CDK14: variants seen among roughly 807,000 people sequenced by gnomAD.
The protein encoded by CDK14 is cyclin dependent kinase 14.
In CDK14, 34 loss-of-function variants were observed where a neutral mutation model predicts 60.7. That is an observed-to-expected ratio of 0.56 (90% CI 0.43 to 0.75). The LOEUF is 0.75. Among genes scored for constraint, CDK14 ranks in the 30% least tolerant of loss-of-function variants. The probability of loss-of-function intolerance (pLI) is 0.00; values close to 1 mark genes in which losing one functional copy is unlikely to be tolerated. For missense variants in CDK14, 482 were observed against 564.1 expected, an observed-to-expected ratio of 0.85 and a Z score of 1.47; for synonymous variants, 197 against 203.7, an observed-to-expected ratio of 0.97 and a Z score of 0.28.
chr7:90,869,428 A>G (rs1584066638), intron 6 of CDK14, among the ~76,000 whole-genome samples: 1 of 152,236 alleles, frequency 6.6e-6, no homozygotes, highest in Admixed American at 6.5e-5. Flanking sequence ...ATAGGAAGAG[A>G]CAAGGTTTGA....
At chr7:90,698,066 T>TGAAA (rs1563048725) in intron 2 of CDK14, among the ~76,000 whole-genome samples, 1 of 9,484 alleles carries the variant, frequency 1.1e-4, no homozygotes, top group Non-Finnish European at 2.0e-4. Context: ...AGACTCTGTC[T>TGAAA]CAAAAAAAAA....
intron 10 of CDK14, among the ~76,000 whole-genome samples, chr7:91,021,816 T>C (rs1189632053): frequency 1.3e-5 from 2 of 152,202 alleles, no homozygotes; most frequent in African/African-American, 4.8e-5. Flanking sequence ...CCTAAATTAA[T>C]TGAAGCCTGT....
chr7:90,877,352 A>T (rs184848711), intron 6 of CDK14, among the ~76,000 whole-genome samples: 1 of 152,312 alleles, frequency 6.6e-6, no homozygotes, highest in East Asian at 1.9e-4. Flanking sequence ...TCTCACTGGT[A>T]TATTCAAGCC....
intron 2 of CDK14, among the ~76,000 whole-genome samples, chr7:90,670,678 C>G (rs1462498738): frequency 2.0e-5 from 3 of 151,996 alleles, no homozygotes; most frequent in South Asian, 4.2e-4. Flanking sequence ...GTGTTGCACC[C>G]TTAAACAACC....
chr7:90,777,095 A>T (rs1805081959), intron 4 of CDK14, among the ~76,000 whole-genome samples: 1 of 152,162 alleles, frequency 6.6e-6, no homozygotes, highest in Admixed American at 6.5e-5. Context: ...GACTTGCAGA[A>T]CACTGTAGCT....
At chr7:91,028,998 G>T (rs548126243) in intron 10 of CDK14, among the ~76,000 whole-genome samples, 2 of 151,994 alleles carry the variant, frequency 1.3e-5, no homozygotes, top group East Asian at 3.9e-4. Context: ...TGTCACATTT[G>T]CTTTTAGGGT....
intron 14 of CDK14, among the ~76,000 whole-genome samples, chr7:91,135,824 A>G (rs937317549): frequency 6.6e-6 from 1 of 152,132 alleles, no homozygotes; most frequent in South Asian, 2.1e-4. Flanking sequence ...TTGTGTTGCA[A>G]ACTGAACCCA....
chr7:90,621,695 T>TTCCTGCCTTCCTGCCTTCCTG (rs1799773940), intron 2 of CDK14, among the ~76,000 whole-genome samples: 1 of 105,402 alleles, frequency 9.5e-6, no homozygotes, highest in Non-Finnish European at 2.0e-5. Context: ...CTGCCTTCCT[T>TTCCTGCCTTCCTGCCTTCCTG]CCTTCCTTCC....
intron 5 of CDK14, among the ~76,000 whole-genome samples, chr7:90,855,541 C>T (rs918884848): frequency 6.6e-6 from 1 of 152,140 alleles, no homozygotes; most frequent in African/African-American, 2.4e-5. Flanking sequence ...TATCTCTTCT[C>T]AGCTATAACT....
intron 2 of CDK14, among the ~76,000 whole-genome samples, chr7:90,643,944 T>C (rs1563027902): frequency 6.6e-6 from 1 of 151,918 alleles, no homozygotes; most frequent in African/African-American, 2.4e-5. Context: ...CCTTCAAAAT[T>C]CGTATATTGA....
chr7:90,714,441 G>A (rs1054925115), intron 2 of CDK14, among the ~76,000 whole-genome samples: 3 of 152,046 alleles, frequency 2.0e-5, no homozygotes, highest in African/African-American at 7.2e-5. Context: ...TCAGCTACAG[G>A]AAAGGTTTAC....
intron 14 of CDK14, among the ~76,000 whole-genome samples, chr7:91,175,832 A>C (rs1429928920): frequency 2.1e-5 from 3 of 145,256 alleles, no homozygotes; most frequent in African/African-American, 7.6e-5. Context: ...ACCTACAAAG[A>C]GACTTAGACT....
intron 10 of CDK14, among the ~76,000 whole-genome samples, chr7:91,037,833 T>A (rs763194908): frequency 2.6e-5 from 4 of 152,252 alleles, no homozygotes; most frequent in African/African-American, 4.8e-5. Flanking sequence ...CAAGTTTTGT[T>A]TGACCCATCT....
At chr7:90,777,047 C>T (rs1805079948) in intron 4 of CDK14, among the ~76,000 whole-genome samples, 1 of 151,600 alleles carries the variant, frequency 6.6e-6, no homozygotes, top group Non-Finnish European at 1.5e-5. Context: ...ACTTAAATAA[C>T]CTTAATTCCT....
rs150860380 is a variant in CDK14, at chr7:90,917,632, C to G, written c.734C>G (p.Ser245Cys). Residue 245 changes from serine (S) to cysteine (C), a missense_variant, in exon 8 of 15, where the codon TCT becomes TGT. By Grantham distance (112) the Ser-to-Cys change is moderately radical. Coordinates refer to ENST00000380050, the MANE Select transcript of CDK14 (RefSeq NM_001287135.2). Reference sequence around the variant, plus strand: ...TTATTTCAGTTGCTGCGAGGTCTGTCTTACATCCACCAGCGTTATATTTTG... The same window carrying G: ...TTATTTCAGTTGCTGCGAGGTCTGTGTTACATCCACCAGCGTTATATTTTG... ...LFLFQLLRGL[S>C]YIHQRYILHR... 1.7e-4 allele frequency: 271 copies of G among 1,613,614 alleles called. No homozygotes were observed. In the African/African-American group the frequency reaches 2.6e-3, roughly 16 times the overall value.
At chr7:90,909,105 C>G (rs1289673163) in intron 7 of CDK14, among the ~76,000 whole-genome samples, 1 of 152,110 alleles carries the variant, frequency 6.6e-6, no homozygotes, top group Non-Finnish European at 1.5e-5. Flanking sequence ...GAGAGAGTAG[C>G]ATAAGTTCCC....
chr7:91,088,462 T>C (rs1427757614), intron 12 of CDK14, among the ~76,000 whole-genome samples: 2 of 152,178 alleles, frequency 1.3e-5, no homozygotes, highest in African/African-American at 4.8e-5. Context: ...AACACAATTA[T>C]TTTTCTGTCT....
chr7:90,610,566 A>C (rs1799519349), intron 2 of CDK14, among the ~76,000 whole-genome samples: 1 of 152,082 alleles, frequency 6.6e-6, no homozygotes, highest in Admixed American at 6.5e-5. Flanking sequence ...CAGAATTTTT[A>C]TTGTCTCACA....
chr7:90,772,900 T>A (rs1444860008), intron 4 of CDK14, among the ~76,000 whole-genome samples: 1 of 152,098 alleles, frequency 6.6e-6, no homozygotes, highest in Non-Finnish European at 1.5e-5. Context: ...AATTTACATA[T>A]GAAAAAAACC....
Sources: allele counts gnomAD v4.1 joint callset (sites outside exome capture counted in the v4.1 genomes callset), GRCh38; gene constraint gnomAD v4.1.1; transcripts MANE v1.5; gene names NCBI Gene and HGNC (gene_info 2026-07-23, HGNC 2026-07-21).